Variants in NDST4 observed in about 807,000 individuals in gnomAD.
NDST4 encodes N-heparan sulfate sulfotransferase 4.
Under a neutral mutation model 100.8 loss-of-function variants are expected in NDST4, and 63 were observed. The ratio of observed to expected loss-of-function variants is 0.62; its 90% confidence interval spans 0.51 to 0.77. The LOEUF is 0.77. Ranked by LOEUF, NDST4 falls within the 30% of genes least tolerant of loss-of-function variation. NDST4 has a pLI of 0.00. For missense variants in NDST4, 943 were observed against 1,018.4 expected (o/e 0.93, Z 1.01); for synonymous variants, 377 against 361.8 (o/e 1.04, Z -0.48).
At chr4:114,869,836 A>G (rs1724109214) in intron 7 of NDST4, among the ~76,000 whole-genome samples, 1 of 152,200 alleles carries the variant, frequency 6.6e-6, no homozygotes, top group African/African-American at 2.4e-5. Flanking sequence ...TACACATAAC[A>G]GATGGACAAT....
chr4:114,907,903 A>T (rs1453343445), intron 6 of NDST4, among the ~76,000 whole-genome samples: 2 of 152,160 alleles, frequency 1.3e-5, no homozygotes, highest in Non-Finnish European at 2.9e-5. Context: ...TGTTGGTGTG[A>T]GACTAACTAG....
At chr4:115,051,008 A>G (rs1728570576) in intron 2 of NDST4, among the ~76,000 whole-genome samples, 1 of 152,100 alleles carries the variant, frequency 6.6e-6, no homozygotes, top group Non-Finnish European at 1.5e-5. Context: ...TATGCATTTT[A>G]GTCACATTGT....
chr4:114,853,482 C>A (rs1723724290), intron 7 of NDST4, among the ~76,000 whole-genome samples: 1 of 152,154 alleles, frequency 6.6e-6, no homozygotes, highest in Non-Finnish European at 1.5e-5. Flanking sequence ...ACTTCCAGTG[C>A]CAGTTTTTAT....
intron 2 of NDST4, among the ~76,000 whole-genome samples, chr4:115,056,197 T>C (rs1420931568): frequency 6.6e-6 from 1 of 151,812 alleles, no homozygotes; most frequent in African/African-American, 2.4e-5. Context: ...ACAAAAGATA[T>C]AAACATGAGC....
intron 1 of NDST4, among the ~76,000 whole-genome samples, chr4:115,098,008 C>CGGA (rs1560599578): frequency 2.6e-5 from 4 of 152,080 alleles, no homozygotes; most frequent in African/African-American, 9.7e-5. Flanking sequence ...TTCCGGTTTC[C>CGGA]CGGTGCAAAA....
intron 6 of NDST4, among the ~76,000 whole-genome samples, chr4:114,878,848 T>C (rs952804585): frequency 6.6e-6 from 1 of 151,966 alleles, no homozygotes; most frequent in African/African-American, 2.4e-5. Flanking sequence ...ATAGATCATA[T>C]CTTTTGTAAG....
chr4:114,887,169 G>T (rs528450194), intron 6 of NDST4, among the ~76,000 whole-genome samples: 1 of 152,216 alleles, frequency 6.6e-6, no homozygotes, highest in East Asian at 1.9e-4. Context: ...TCAAAATCAG[G>T]TTTTAAATTA....
At chr4:115,085,363 T>C (rs1729389472) in intron 1 of NDST4, among the ~76,000 whole-genome samples, 1 of 152,156 alleles carries the variant, frequency 6.6e-6, no homozygotes. Context: ...TTTGGGTTAA[T>C]GCTGGAATGA....
intron 2 of NDST4, among the ~76,000 whole-genome samples, chr4:114,977,566 A>G (rs1027682101): frequency 3.3e-5 from 5 of 151,988 alleles, no homozygotes; most frequent in African/African-American, 1.2e-4. Flanking sequence ...TGTGTGAGAC[A>G]TTTCTTGAAC....
intron 12 of NDST4, among the ~76,000 whole-genome samples, chr4:114,832,025 C>T (rs376241049): frequency 1.2e-4 from 19 of 152,078 alleles, no homozygotes; most frequent in South Asian, 1.0e-3. Flanking sequence ...ATATTAAAAA[C>T]GACATATTTT....
At chr4:114,940,513 T>C (rs969161487) in intron 4 of NDST4, among the ~76,000 whole-genome samples, 4 of 152,184 alleles carry the variant, frequency 2.6e-5, no homozygotes, top group Non-Finnish European at 5.9e-5. Context: ...CAGCTTTCAA[T>C]CCCTAACAGG....
intron 7 of NDST4, among the ~76,000 whole-genome samples, chr4:114,858,032 A>C (rs1212370626): frequency 6.6e-6 from 1 of 152,176 alleles, no homozygotes; most frequent in African/African-American, 2.4e-5. Flanking sequence ...TTGTCAACTA[A>C]CCCAGAGCTA....
In NDST4 at chr4:115,109,758, T is replaced by C. The variant is rs531515434; in HGVS notation, c.-247+3686A>G. On this transcript the variant is annotated intron_variant, in intron 1 of 13. Coordinates refer to ENST00000264363, the MANE Select transcript of NDST4 (RefSeq NM_022569.3). ...TAAAAGATATATCTAAAATAGCCTATGTATGTAAATGACCTCAAAGGGTCA... is the reference window on the plus strand; with the variant it reads ...TAAAAGATATATCTAAAATAGCCTACGTATGTAAATGACCTCAAAGGGTCA... Among the ~76,000 whole-genome samples, 5 of 152,058 alleles carry C rather than the reference T, an allele frequency of 3.3e-5. No individual in the cohort carries two copies. In the South Asian group the frequency reaches 1.0e-3, roughly 31 times the overall value.
chr4:114,934,484 G>A (rs1017163429), intron 6 of NDST4, among the ~76,000 whole-genome samples: 12 of 151,694 alleles, frequency 7.9e-5, no homozygotes, highest in African/African-American at 2.7e-4. Context: ...AACCCGGGAG[G>A]CGGAGCTTGC....
At chr4:114,949,735 A>T (rs1725947951) in intron 4 of NDST4, among the ~76,000 whole-genome samples, 1 of 152,100 alleles carries the variant, frequency 6.6e-6, no homozygotes, top group Non-Finnish European at 1.5e-5. Context: ...TGGCCAGAAC[A>T]ATGTTCAATG....
chr4:114,986,889 A>C (rs187827029), intron 2 of NDST4, among the ~76,000 whole-genome samples: 29 of 144,452 alleles, frequency 2.0e-4, no homozygotes, highest in East Asian at 1.2e-3. Flanking sequence ...TAACTTATAA[A>C]ATTTTTTTGT....
chr4:114,996,962 G>A (rs181201777), intron 2 of NDST4, among the ~76,000 whole-genome samples: 53 of 152,100 alleles, frequency 3.5e-4, no homozygotes, highest in African/African-American at 1.2e-3. Flanking sequence ...GTGCTGCAGG[G>A]TATTGTATTA....
chr4:114,862,223 TCCTACAACACA>T (rs1234489573), intron 7 of NDST4, among the ~76,000 whole-genome samples: 2 of 152,168 alleles, frequency 1.3e-5, no homozygotes, highest in Non-Finnish European at 2.9e-5. Flanking sequence ...CATCTAAAAC[TCCTACAACACA>T]CCATACATAA....
intron 4 of NDST4, among the ~76,000 whole-genome samples, chr4:114,948,785 T>A (rs1451618359): frequency 6.6e-6 from 1 of 152,044 alleles, no homozygotes; most frequent in Non-Finnish European, 1.5e-5. Context: ...AGAACTAAAG[T>A]GTCAACTACT....
Sources: allele counts gnomAD v4.1 joint callset (sites outside exome capture counted in the v4.1 genomes callset), GRCh38; gene constraint gnomAD v4.1.1; transcripts MANE v1.5; gene names NCBI Gene and HGNC (gene_info 2026-07-23, HGNC 2026-07-21).